MMEL1: variants seen among roughly 807,000 people sequenced by gnomAD.
MMEL1 encodes the protein membrane metallo-endopeptidase-like 1.
MMEL1 carries 98 observed loss-of-function variants against 117.1 expected under a neutral mutation model. That is an observed-to-expected ratio of 0.84 (90% CI 0.71 to 0.99). The LOEUF (loss-of-function observed/expected upper bound fraction) is 0.99, where lower values mean the gene tolerates loss of function less well. MMEL1 is among the 50% of genes least tolerant of loss of function. MMEL1 has a pLI of 0.00. For missense variants in MMEL1, 1,014 were observed against 1,049.1 expected (o/e 0.97, Z 0.46); for synonymous variants, 390 against 415.1 (o/e 0.94, Z 0.74).
intron 2 of MMEL1, among the ~76,000 whole-genome samples, chr1:2,621,004 G>C (rs905992909): frequency 6.6e-6 from 1 of 152,160 alleles, no homozygotes; most frequent in Non-Finnish European, 1.5e-5. Flanking sequence ...ACAGAGACAT[G>C]CCAGGCGTGA....
Position 2,595,015 on chromosome 1 carries a change from C to A in MMEL1, c.1585-122G>T. 1.2e-6 allele frequency: 1 copy of A among 817,830 alleles called. No individual in the cohort carries two copies. The highest frequency in any genetic ancestry group is 1.6e-5 in the South Asian group (1 of 60,824). 50.7% of individuals were successfully genotyped at this position (817,830 alleles called of 1,614,324 possible). On this transcript the variant is annotated intron_variant, in intron 16 of 23. Coordinates refer to ENST00000378412, the MANE Select transcript of MMEL1 (RefSeq NM_033467.4). This position sits in a 1 kb window ranked among gnomAD's most constrained non-coding sequence, Gnocchi z 4.8. ...TGCCAGGCGTCCGCACGTGGACAGT[C>A]GGCTGTGGGTGCAGGTGAACGGGGC...
chr1:2,607,993 C>G (rs1277793424), intron 6 of MMEL1, among the ~76,000 whole-genome samples: 1 of 152,116 alleles, frequency 6.6e-6, no homozygotes, highest in Admixed American at 6.5e-5. Context: ...GAGTTGCGTT[C>G]CAGTTTTCCA....
intron 1 of MMEL1, among the ~76,000 whole-genome samples, chr1:2,631,810 A>C (rs1638600826): frequency 6.6e-6 from 1 of 151,956 alleles, no homozygotes; most frequent in African/African-American, 2.4e-5. Context: ...TCAGCCTCCA[A>C]GCCCATCTCA....
At chr1:2,616,513 C>G (rs150937111) in intron 2 of MMEL1, among the ~76,000 whole-genome samples, 1 of 151,854 alleles carries the variant, frequency 6.6e-6, no homozygotes, top group Non-Finnish European at 1.5e-5. Flanking sequence ...AATTCTATAC[C>G]CAGCAAAAAC....
intron 1 of MMEL1, 176 bp from the exon 2 acceptor site, chr1:2,629,697 C>T (rs1638454120): frequency 5.4e-6 from 3 of 552,518 alleles, no homozygotes; most frequent in East Asian, 3.4e-5. Context: ...ACTTTCCACA[C>T]TACCCCTGGG....
intron 21 of MMEL1, among the ~76,000 whole-genome samples, 197 bp from the exon 22 acceptor site, chr1:2,592,224 G>C (rs542059602): frequency 1.3e-5 from 2 of 151,334 alleles, no homozygotes; most frequent in Non-Finnish European, 3.0e-5. Flanking sequence ...GGGCCCTCGG[G>C]GGGGGATCCC....
intron 2 of MMEL1, among the ~76,000 whole-genome samples, chr1:2,624,039 A>G (rs1303798776): frequency 6.6e-6 from 1 of 152,152 alleles, no homozygotes; most frequent in Non-Finnish European, 1.5e-5. Flanking sequence ...CTTGGTTGAC[A>G]TGGGGATGTG....
At chr1:2,611,060 C>T (rs149740432) in intron 4 of MMEL1, among the ~76,000 whole-genome samples, 129 of 152,322 alleles carry the variant, frequency 8.5e-4, no homozygotes, top group African/African-American at 3.1e-3. Context: ...TGCTGCAGGG[C>T]CTGGCTGCTG....
chr1:2,592,304 G>C (rs1469035526), intron 21 of MMEL1, among the ~76,000 whole-genome samples: 1 of 127,358 alleles, frequency 7.9e-6, no homozygotes, highest in Non-Finnish European at 1.7e-5. Flanking sequence ...TGAGGCACTG[G>C]TGCCCCCCTC....
chr1:2,632,944 G>A lies in MMEL1; in HGVS notation c.-116C>T. The A allele has an allele frequency of 2.0e-6, 2 of 985,886 alleles. No homozygotes were observed. Among genetic ancestry groups the A allele is most frequent in the African/African-American group, 1.7e-5 (1 of 57,368 alleles). 61.1% of individuals were successfully genotyped at this position (985,886 alleles called of 1,614,324 possible). ...TCCCAGTGGGTTGGAGTTGGGGTGA[G>A]CTGGGCCAAGTGGGTGGATTTCCAG... On this transcript the variant is annotated 5_prime_UTR_variant, in exon 1 of 24. Transcript: ENST00000378412.
chr1:2,609,930 T>A, intron 4 of MMEL1, 99 bp from the exon 5 acceptor site: 1 of 1,345,080 alleles, frequency 7.4e-7, no homozygotes. Context: ...GCCTGGTCCC[T>A]TGGGAAGGGG....
intron 23 of MMEL1, 35 bp from the exon 24 acceptor site, chr1:2,591,124 C>T: frequency 6.9e-7 from 1 of 1,443,532 alleles, no homozygotes; most frequent in Non-Finnish European, 9.3e-7. Context: ...AGGAGCATTG[C>T]CATCTTGGAC....
intron 12 of MMEL1, 56 bp from the exon 13 acceptor site, chr1:2,598,356 A>G (rs1337646504): frequency 6.4e-7 from 1 of 1,554,988 alleles, no homozygotes; most frequent in African/African-American, 1.4e-5. Context: ...TTTGCAAGGG[A>G]GGAGATATGG....
At chr1:2,630,704 CACGTGTGT>C (rs1226915665) in intron 1 of MMEL1, among the ~76,000 whole-genome samples, 1 of 146,536 alleles carries the variant, frequency 6.8e-6, no homozygotes. Context: ...CTCGTGTGTG[CACGTGTGT>C]GACTGTGTGA....
intron 23 of MMEL1, 52 bp downstream of exon 23, chr1:2,591,505 G>A: frequency 1.4e-6 from 2 of 1,417,798 alleles, no homozygotes; most frequent in Non-Finnish European, 2.0e-6. Context: ...CCACTGGGGT[G>A]GGGGTGAGGG....
intron 2 of MMEL1, among the ~76,000 whole-genome samples, chr1:2,623,858 C>T (rs1355118487): frequency 2.6e-5 from 4 of 152,168 alleles, no homozygotes; most frequent in African/African-American, 9.7e-5. Flanking sequence ...CAGGTGTAAC[C>T]CCTCTCACGC....
At chr1:2,630,707 GTGTGTGACT>G (rs1638520725) in intron 1 of MMEL1, among the ~76,000 whole-genome samples, 1 of 151,460 alleles carries the variant, frequency 6.6e-6, no homozygotes. Flanking sequence ...GTGTGTGCAC[GTGTGTGACT>G]GTGTGATTGT....
intron 22 of MMEL1, 108 bp from the exon 23 acceptor site, chr1:2,591,741 G>A: frequency 1.8e-6 from 2 of 1,115,060 alleles, no homozygotes; most frequent in Admixed American, 1.7e-5. Context: ...GTGGGGTGAG[G>A]GGAGTCAGCA....
intron 1 of MMEL1, among the ~76,000 whole-genome samples, chr1:2,631,675 C>A (rs2100973800): frequency 1.3e-5 from 2 of 152,262 alleles, no homozygotes; most frequent in Middle Eastern, 6.8e-3. Flanking sequence ...TGCATCCACA[C>A]ACCCTCAGAT....
Sources: gnomAD v4.1 joint callset for allele counts (sites outside exome capture counted in the v4.1 genomes callset) on GRCh38, gnomAD v4.1.1 for gene constraint, Gnocchi (gnomAD v3.1) non-coding constraint, MANE v1.5 for transcripts, NCBI Gene and HGNC (gene_info 2026-07-23, HGNC 2026-07-21) for gene names.